The following CYRIA variants were observed in gnomAD, a reference collection of about 807,000 sequenced individuals.
The protein encoded by CYRIA is CYFIP related Rac1 interactor A.
In CYRIA, 15 loss-of-function variants were observed where a neutral mutation model predicts 43.9. The observed-to-expected ratio is 0.34, with a 90% CI of 0.23 to 0.53. The LOEUF is 0.53. CYRIA is among the 20% of genes least tolerant of loss of function. CYRIA has a pLI of 0.94. For synonymous variants in CYRIA, 117 were observed against 136.0 expected (o/e 0.86, Z 0.97); for missense variants, 236 against 394.2 (o/e 0.60, Z 3.40).
chr2:16,557,372 C>T (rs1255043654), intron 10 of CYRIA, among the ~76,000 whole-genome samples: 1 of 152,058 alleles, frequency 6.6e-6, no homozygotes, highest in Admixed American at 6.6e-5. Context: ...TTCTGCACTC[C>T]AAAGCATGCC....
intron 1 of CYRIA, among the ~76,000 whole-genome samples, chr2:16,631,958 C>T (rs1669340583): frequency 6.6e-6 from 1 of 152,194 alleles, no homozygotes; most frequent in Admixed American, 6.5e-5. Context: ...ACCCAAAGGC[C>T]ACATGGTGTC....
At chr2:16,655,508 A>G (rs1324985627) in intron 1 of CYRIA, among the ~76,000 whole-genome samples, 1 of 152,284 alleles carries the variant, frequency 6.6e-6, no homozygotes, top group East Asian at 1.9e-4. Flanking sequence ...GGTAAGCAAA[A>G]CTGCAACAAT....
intron 4 of CYRIA, among the ~76,000 whole-genome samples, chr2:16,564,748 TAA>T (rs905059427): frequency 6.6e-6 from 1 of 152,188 alleles, no homozygotes; most frequent in African/African-American, 2.4e-5. Context: ...TGCTTTCACA[TAA>T]AAAGAGTGTG....
chr2:16,614,532 C>T (rs995868521), intron 2 of CYRIA, among the ~76,000 whole-genome samples: 6 of 152,202 alleles, frequency 3.9e-5, no homozygotes, highest in Non-Finnish European at 7.3e-5. Flanking sequence ...AACGCTTTGC[C>T]TTTCACCCTC....
At chr2:16,561,733 A>G (rs1299254494) in intron 6 of CYRIA, among the ~76,000 whole-genome samples, 200 bp from the exon 7 acceptor site, 3 of 152,178 alleles carry the variant, frequency 2.0e-5, no homozygotes, top group Non-Finnish European at 4.4e-5. Context: ...GATTTCAGGG[A>G]AAGTATATTT....
chr2:16,642,850 T>C (rs1217602834), intron 1 of CYRIA, among the ~76,000 whole-genome samples: 6 of 152,246 alleles, frequency 3.9e-5, no homozygotes, highest in Admixed American at 6.5e-5. Context: ...ATGAGAACCA[T>C]CCTGACCGCC....
At chr2:16,611,336 G>A (rs1318713651) in intron 2 of CYRIA, among the ~76,000 whole-genome samples, 1 of 152,192 alleles carries the variant, frequency 6.6e-6, no homozygotes, top group Non-Finnish European at 1.5e-5. Flanking sequence ...CTGCACTCCA[G>A]CCTGGTGACA....
intron 3 of CYRIA, among the ~76,000 whole-genome samples, chr2:16,566,238 TC>T (rs1666929429): frequency 2.0e-5 from 3 of 152,308 alleles, no homozygotes; most frequent in African/African-American, 7.2e-5. Flanking sequence ...TTAAACACAT[TC>T]ATAATGTTGT....
chr2:16,616,851 T>G (rs1052782864), intron 2 of CYRIA, among the ~76,000 whole-genome samples: 1 of 152,256 alleles, frequency 6.6e-6, no homozygotes, highest in Non-Finnish European at 1.5e-5. Flanking sequence ...GCTATTAGTC[T>G]TCTCATTTTA....
intron 2 of CYRIA, among the ~76,000 whole-genome samples, chr2:16,600,509 G>A (rs558150222): frequency 3.3e-5 from 5 of 152,212 alleles, no homozygotes; most frequent in Admixed American, 6.5e-5. Flanking sequence ...CATGGCTTCC[G>A]CATTCAGGTG....
chr2:16,615,325 G>A (rs1172381192), intron 2 of CYRIA, among the ~76,000 whole-genome samples: 1 of 152,176 alleles, frequency 6.6e-6, no homozygotes, highest in Non-Finnish European at 1.5e-5. Context: ...GTAACCAGTG[G>A]TCGTTTTAGG....
intron 1 of CYRIA, among the ~76,000 whole-genome samples, chr2:16,638,797 G>A (rs1400576456): frequency 6.6e-6 from 1 of 152,088 alleles, no homozygotes; most frequent in Non-Finnish European, 1.5e-5. Flanking sequence ...TGTGTGTGTA[G>A]ATCTATATCT....
In CYRIA at chr2:16,549,684, A is replaced by T. The variant is rs1666226428; in HGVS notation, c.*3252T>A. ...ATTCCAATGTTTATTACTAACATTTAAAAAATATTTGTAGCTGCATAGGAT... is the reference window on the plus strand; with the variant it reads ...ATTCCAATGTTTATTACTAACATTTTAAAAATATTTGTAGCTGCATAGGAT... On this transcript the variant is annotated 3_prime_UTR_variant, in exon 12 of 12. Coordinates refer to ENST00000381323, the MANE Select transcript of CYRIA (RefSeq NM_030797.4). 6.6e-6 allele frequency: 1 copy of T among 152,156 alleles called. No individual in the cohort carries two copies. The highest frequency in any genetic ancestry group is 1.5e-5 in the Non-Finnish European group (1 of 68,022). 9.4% of individuals were successfully genotyped at this position (152,156 alleles called of 1,614,324 possible). A position where few individuals can be genotyped will look rare whatever the true frequency, so the allele number is the denominator to read the frequency against.
In CYRIA at chr2:16,616,142, G is replaced by A. The variant is rs572054853; in HGVS notation, c.-11+7722C>T. ...AGAAGAGGCCTGTGCTCACTTGGCC[G>A]TAGAGTGGTGGCCTGCTCTGTCCTT... On this transcript the variant is annotated intron_variant, in intron 2 of 11. Coordinates refer to ENST00000381323, the MANE Select transcript of CYRIA (RefSeq NM_030797.4). 5.9e-5 allele frequency among the ~76,000 whole-genome samples: 9 copies of A among 152,242 alleles called. No individual in the cohort carries two copies. In the East Asian group the frequency reaches 9.7e-4, roughly 16 times the overall value.
intron 10 of CYRIA, among the ~76,000 whole-genome samples, chr2:16,557,432 G>A (rs1248523280): frequency 6.6e-6 from 1 of 152,076 alleles, no homozygotes; most frequent in Admixed American, 6.6e-5. Context: ...CTCACGAAGA[G>A]ATCCTGGGGT....
intron 1 of CYRIA, among the ~76,000 whole-genome samples, chr2:16,627,977 C>A (rs541014243): frequency 6.6e-6 from 1 of 152,206 alleles, no homozygotes; most frequent in African/African-American, 2.4e-5. Context: ...GCTGGGCGGG[C>A]AGGCAGGCGG....
chr2:16,657,559 T>C (rs917063056), intron 1 of CYRIA, among the ~76,000 whole-genome samples: 1 of 151,826 alleles, frequency 6.6e-6, no homozygotes, highest in African/African-American at 2.4e-5. Flanking sequence ...AATATAAAAA[T>C]GGCCACTAAT....
At chr2:16,584,852 CAAG>C (rs2103452825) in intron 3 of CYRIA, among the ~76,000 whole-genome samples, 1 of 152,288 alleles carries the variant, frequency 6.6e-6, no homozygotes, top group Non-Finnish European at 1.5e-5. Context: ...CCACCTCTTG[CAAG>C]AAGACTTCTC....
intron 3 of CYRIA, among the ~76,000 whole-genome samples, chr2:16,575,123 C>T (rs999645801): frequency 6.6e-6 from 1 of 152,126 alleles, no homozygotes; most frequent in Non-Finnish European, 1.5e-5. Context: ...GACATGGAGT[C>T]AAAAGAGATC....
Sources: allele counts gnomAD v4.1 joint callset (sites outside exome capture counted in the v4.1 genomes callset), GRCh38; gene constraint gnomAD v4.1.1; transcripts MANE v1.5; gene names NCBI Gene and HGNC (gene_info 2026-07-23, HGNC 2026-07-21).